Variants in ZNF423 observed in about 807,000 individuals in gnomAD.
The protein encoded by ZNF423 is Ebf-associated zinc finger protein.
ZNF423 carries 12 observed loss-of-function variants against 95.8 expected under a neutral mutation model. The ratio of observed to expected loss-of-function variants is 0.13; its 90% CI spans 0.08 to 0.20. ZNF423 has a LOEUF of 0.20. Ranked by LOEUF, ZNF423 falls within the 10% of genes least tolerant of loss-of-function variation. The probability of loss-of-function intolerance (pLI) is 1.00; values close to 1 mark genes in which losing one functional copy is unlikely to be tolerated. For missense variants in ZNF423, 1,316 were observed against 1,737.1 expected (o/e 0.76, Z 4.31); for synonymous variants, 749 against 711.9 (o/e 1.05, Z -0.83).
At position 49,523,605 on chromosome 16, in the gene ZNF423, A is replaced by T; in HGVS notation, c.3849+19T>A. ...CGAGGACCATCAGGCGGCGTGGTGC[A>T]GCGGATGTGGGCACCCACCTGCAGC... is the stretch of plus-strand genomic sequence containing the variant. On this transcript the variant is annotated intron_variant, in intron 7 of 7. Coordinates refer to ENST00000563137, the MANE Select transcript of ZNF423 (RefSeq NM_001379286.1). 1 of 1,604,572 alleles carries T rather than the reference A, an allele frequency of 6.2e-7. No homozygotes were observed. Among genetic ancestry groups the T allele is most frequent in the South Asian group, 1.1e-5 (1 of 90,876 alleles).
At position 49,504,912 on chromosome 16, in the gene ZNF423, C is replaced by T. The variant is rs573672002; in HGVS notation, c.3850-13608G>A. Among the ~76,000 whole-genome samples the T allele has an allele frequency of 2.6e-5, 4 of 152,286 alleles. No individual in the cohort carries two copies. The East Asian group carries it at 5.8e-4, about 22-fold the overall frequency. On this transcript the variant is annotated intron_variant, in intron 7 of 7. Coordinates refer to ENST00000563137, the MANE Select transcript of ZNF423 (RefSeq NM_001379286.1). Reference sequence around the variant, plus strand: ...TCTTTCCCCTATGGAAAGGCCTCACCTGCAGTCATAGGCCAGTCCAGCAAA... The same window carrying T: ...TCTTTCCCCTATGGAAAGGCCTCACTTGCAGTCATAGGCCAGTCCAGCAAA...
intron 3 of ZNF423, among the ~76,000 whole-genome samples, chr16:49,676,723 G>A (rs533004486): frequency 6.6e-6 from 1 of 152,322 alleles, no homozygotes; most frequent in South Asian, 2.1e-4. Context: ...AGCTGTGCTG[G>A]GCACCTCAAA....
chr16:49,623,569 A>G (rs1972157567), intron 5 of ZNF423, among the ~76,000 whole-genome samples: 1 of 152,230 alleles, frequency 6.6e-6, no homozygotes, highest in South Asian at 2.1e-4. Flanking sequence ...AGATATCTTC[A>G]TCTTCACCTC....
At chr16:49,502,502 C>T (rs145063771) in intron 7 of ZNF423, among the ~76,000 whole-genome samples, 129 of 152,108 alleles carry the variant, frequency 8.5e-4, no homozygotes, top group African/African-American at 2.8e-3. Flanking sequence ...AGGCTCAACA[C>T]GGCTGTCTCG....
chr16:49,676,012 G>A (rs2031032136), intron 3 of ZNF423, among the ~76,000 whole-genome samples: 1 of 152,172 alleles, frequency 6.6e-6, no homozygotes, highest in African/African-American at 2.4e-5. Context: ...ACCCCACAGT[G>A]CCCCCTTCTC....
At chr16:49,584,974 G>A (rs548824233) in intron 5 of ZNF423, among the ~76,000 whole-genome samples, 11 of 152,142 alleles carry the variant, frequency 7.2e-5, no homozygotes, top group South Asian at 4.2e-4. Flanking sequence ...CCTCCTCCCC[G>A]GCACTCACTT....
chr16:49,831,225 A>G (rs901640614), intron 1 of ZNF423, among the ~76,000 whole-genome samples: 1 of 152,226 alleles, frequency 6.6e-6, no homozygotes, highest in Non-Finnish European at 1.5e-5. Flanking sequence ...AAAGAGTTAA[A>G]GAAACCTCAA....
In ZNF423 at chr16:49,637,163, C is replaced by T. The variant is rs143468235; in HGVS notation, c.2013G>A (p.Ala671=). 2.6e-3 allele frequency: 4,204 copies of T among 1,613,720 alleles called. 12 individuals are homozygous for T. Among genetic ancestry groups the T allele is most frequent in the Non-Finnish European group, 3.1e-3 (3,686 of 1,180,028 alleles). ...CAAAGTCCTCTTTGCACTGGGGGCACGCTTGCTTCCGCAGCAGCAGCTCCA... is the reference window on the plus strand; with the variant it reads ...CAAAGTCCTCTTTGCACTGGGGGCATGCTTGCTTCCGCAGCAGCAGCTCCA... ...LHLELLLRKQ[A]CPQCKEDFDS... is the part of the protein sequence containing the mutation. Residue 671 remains alanine, a synonymous_variant, in exon 4 of 8, where the codon GCG becomes GCA. Transcript: ENST00000563137. This position sits in a 1 kb window ranked among gnomAD's most constrained non-coding sequence, Gnocchi z 5.6.
intron 5 of ZNF423, among the ~76,000 whole-genome samples, chr16:49,529,518 G>A (rs1968759029): frequency 6.6e-6 from 1 of 152,288 alleles, no homozygotes; most frequent in East Asian, 1.9e-4. Context: ...CTGAAACTGT[G>A]TCAGCCCAAA....
At chr16:49,540,627 G>A (rs535850259) in intron 5 of ZNF423, among the ~76,000 whole-genome samples, 2 of 152,132 alleles carry the variant, frequency 1.3e-5, no homozygotes, top group African/African-American at 4.8e-5. Context: ...ATCCAAAGCC[G>A]ATTACTCTGC....
intron 5 of ZNF423, among the ~76,000 whole-genome samples, chr16:49,538,086 A>C: frequency 6.6e-6 from 1 of 152,206 alleles, no homozygotes; most frequent in East Asian, 1.9e-4. Flanking sequence ...TGACCCACAG[A>C]GGCAGAGCTT....
intron 1 of ZNF423, among the ~76,000 whole-genome samples, chr16:49,799,183 A>T (rs565166665): frequency 6.6e-6 from 1 of 152,148 alleles, no homozygotes; most frequent in African/African-American, 2.4e-5. Flanking sequence ...AAATGGGGAT[A>T]ATCAGAATAC....
At position 49,706,063 on chromosome 16, in the gene ZNF423, C is replaced by T. The variant is rs565077032; in HGVS notation, c.301+24708G>A. Among the ~76,000 whole-genome samples, 10 of 152,040 alleles carry T rather than the reference C, an allele frequency of 6.6e-5. No homozygotes were observed. In the South Asian group the frequency reaches 1.0e-3, roughly 16 times the overall value. ...GTGGTGTTTAACGCAGAGAGAACAG[C>T]GTGGGCAAGGGCACCACACACTTCA... On this transcript the variant is annotated intron_variant, in intron 3 of 7. Coordinates refer to ENST00000563137, the MANE Select transcript of ZNF423 (RefSeq NM_001379286.1).
chr16:49,527,153 C>A (rs573584719), intron 5 of ZNF423, among the ~76,000 whole-genome samples: 1 of 152,064 alleles, frequency 6.6e-6, no homozygotes, highest in South Asian at 2.1e-4. Flanking sequence ...CCCCCGGGCA[C>A]CCCACCGCAG....
chr16:49,642,810 T>TC (rs1973022973), intron 3 of ZNF423, among the ~76,000 whole-genome samples: 1 of 147,772 alleles, frequency 6.8e-6, no homozygotes, highest in African/African-American at 2.5e-5. Context: ...TCTTTTTTTT[T>TC]TTTTTTTTTT....
intron 4 of ZNF423, among the ~76,000 whole-genome samples, chr16:49,632,365 G>A (rs1358946903): frequency 1.3e-5 from 2 of 152,208 alleles, no homozygotes; most frequent in Non-Finnish European, 2.9e-5. Flanking sequence ...TCCTCAGGGA[G>A]GGAAGGGGTG....
At chr16:49,767,235 C>A (rs894275698) in intron 2 of ZNF423, among the ~76,000 whole-genome samples, 1 of 152,004 alleles carries the variant, frequency 6.6e-6, no homozygotes, top group Non-Finnish European at 1.5e-5. Context: ...GGCTTACAGG[C>A]CACCGTGCCT....
At chr16:49,852,900 T>G (rs1284797419) in intron 1 of ZNF423, among the ~76,000 whole-genome samples, 2 of 152,112 alleles carry the variant, frequency 1.3e-5, no homozygotes, top group Non-Finnish European at 2.9e-5. Flanking sequence ...GAGTGGGAAG[T>G]GAGACCACCC....
intron 7 of ZNF423, chr16:49,518,740 T>G: frequency 1.2e-5 from 4 of 329,338 alleles, no homozygotes; most frequent in Non-Finnish European, 2.3e-5. Context: ...TGAGTATGGC[T>G]TTTGTCATGT....
Sources: allele counts gnomAD v4.1 joint callset (sites outside exome capture counted in the v4.1 genomes callset), GRCh38; gene constraint gnomAD v4.1.1; non-coding constraint Gnocchi (gnomAD v3.1); transcripts MANE v1.5; gene names NCBI Gene and HGNC (gene_info 2026-07-23, HGNC 2026-07-21).